ABHD2: variants seen among roughly 807,000 people sequenced by gnomAD.
ABHD2 encodes the protein monoacylglycerol lipase ABHD2.
In ABHD2, 20 loss-of-function variants were observed where a neutral mutation model predicts 48.1. The ratio of observed to expected loss-of-function variants is 0.42; its 90% CI spans 0.29 to 0.60. The LOEUF is 0.60. ABHD2 is among the 20% of genes least tolerant of loss of function. The pLI is 0.24. For missense variants in ABHD2, 405 were observed against 550.9 expected (o/e 0.74, Z 2.65); for synonymous variants, 209 against 214.2 (o/e 0.98, Z 0.21).
rs541491790 is a variant in ABHD2 at position 89,094,920 on chromosome 15, C to T, written c.-107+6357C>T. Among the ~76,000 whole-genome samples, 9 of 150,796 alleles carry T rather than the reference C, an allele frequency of 6.0e-5. No homozygotes were observed. The East Asian group carries it at 1.6e-3, about 26-fold the overall frequency. ...TCCACTAAAAATACAAAATATTAGCCGGGCATGGTGGTTCACACTCAGAAT... is the reference window on the plus strand; with the variant it reads ...TCCACTAAAAATACAAAATATTAGCTGGGCATGGTGGTTCACACTCAGAAT... On this transcript the variant is annotated intron_variant, in intron 1 of 10. Coordinates refer to ENST00000352732, the MANE Select transcript of ABHD2 (RefSeq NM_152924.5). The surrounding 1 kb of genome is among the most constrained non-coding windows in gnomAD (Gnocchi z 4.7).
chr15:89,135,617 T>C (rs2050296428), intron 3 of ABHD2: 2 of 1,547,772 alleles, frequency 1.3e-6, no homozygotes, highest in African/African-American at 1.4e-5. Flanking sequence ...TCCTCTTCCT[T>C]CTTTTTCTTG....
chr15:89,084,244 G>C (rs1901320745), upstream of ABHD2, among the ~76,000 whole-genome samples: 1 of 151,170 alleles, frequency 6.6e-6, no homozygotes, highest in Admixed American at 6.6e-5. This position sits in a 1 kb window ranked among gnomAD's most constrained non-coding sequence, Gnocchi z 4.4. Context: ...GCATGTGTTG[G>C]AGAGTGTGTA....
chr15:89,198,495 G>C lies in ABHD2; in HGVS notation c.*3072G>C, dbSNP rs537595198. 6.6e-6 allele frequency: 1 copy of C among 152,316 alleles called. No homozygotes were observed. The highest frequency in any genetic ancestry group is 1.9e-4 in the East Asian group (1 of 5,190). 9.4% of individuals were successfully genotyped at this position (152,316 alleles called of 1,614,324 possible). ...AGTTTACACAAATGATTCCAGAGCA[G>C]AATGAAAGCAGAAAGCTGTTGGTTA... is the stretch of plus-strand genomic sequence containing the variant. On this transcript the variant is annotated 3_prime_UTR_variant, in exon 11 of 11. Transcript: ENST00000352732. This position sits in a 1 kb window ranked among gnomAD's most constrained non-coding sequence, Gnocchi z 5.1.
At chr15:89,115,367 GGTATGTGTGTGTGTGTGTGT>G (rs1370343485) in intron 2 of ABHD2, among the ~76,000 whole-genome samples, 5,804 of 117,568 alleles carry the variant, frequency 0.049, 425 homozygotes, top group African/African-American at 0.17. Context: ...TATGTTTGGA[GGTATGTGTGTGTGTGTGTGT>G]GTGTGTGTGT....
intron 1 of ABHD2, among the ~76,000 whole-genome samples, chr15:89,110,893 A>C (rs1251257214): frequency 6.6e-6 from 1 of 152,236 alleles, no homozygotes; most frequent in East Asian, 1.9e-4. Context: ...CACATCACTC[A>C]AGGTCCCCTT....
intron 4 of ABHD2, among the ~76,000 whole-genome samples, chr15:89,154,065 C>T (rs768794093): frequency 3.3e-5 from 5 of 152,118 alleles, no homozygotes; most frequent in African/African-American, 4.8e-5. Flanking sequence ...TTGGAATTTA[C>T]TAGGTCGAAG....
chr15:89,074,774 T>C, the ABHD2 span, among the ~76,000 whole-genome samples: 2 of 152,190 alleles, frequency 1.3e-5, no homozygotes, highest in Non-Finnish European at 2.9e-5. Context: ...TTCTGGAACA[T>C]TGCCTCTCAC....
rs186021015 is a variant in ABHD2, at chr15:89,161,634, T to C, written c.538+6100T>C. On this transcript the variant is annotated intron_variant, in intron 5 of 10. Transcript: ENST00000352732. ...CAGACTGGTGTCGAACTCCTGACCT[T>C]AGGTGATCCGCCCACCTCGGCCTCC... is the stretch of plus-strand genomic sequence containing the variant. Among the ~76,000 whole-genome samples, 472 of 152,006 alleles carry C rather than the reference T, an allele frequency of 3.1e-3. 1 individual carries two copies. The highest frequency in any genetic ancestry group is 0.011 in the African/African-American group (447 of 41,478).
At chr15:89,096,649 T>C (rs779537763) in intron 1 of ABHD2, among the ~76,000 whole-genome samples, 1 of 152,222 alleles carries the variant, frequency 6.6e-6, no homozygotes, top group Non-Finnish European at 1.5e-5. Context: ...ACATAATTGG[T>C]TTTCTGCCTT....
the ABHD2 span, among the ~76,000 whole-genome samples, chr15:89,051,448 T>G: frequency 1.3e-5 from 2 of 152,090 alleles, no homozygotes; most frequent in African/African-American, 2.4e-5. Context: ...ACACCGTAGC[T>G]CAGGCCTAAG....
chr15:89,081,110 C>T, the ABHD2 span, among the ~76,000 whole-genome samples: 1 of 151,530 alleles, frequency 6.6e-6, no homozygotes, highest in South Asian at 2.1e-4. Flanking sequence ...AATGATCCTC[C>T]TACCTCAGCC....
chr15:89,200,974 C>T lies in ABHD2; in HGVS notation c.*5551C>T, dbSNP rs1276541009. The T allele has an allele frequency of 2.0e-5, 10 of 506,858 alleles. No homozygotes were observed. The highest frequency in any genetic ancestry group is 3.7e-5 in the Admixed American group (1 of 27,110). The allele number at this position is 506,858 out of a possible 1,614,324, so 31.4% of individuals were successfully genotyped here. A position where few individuals can be genotyped will look rare whatever the true frequency, so the allele number is the denominator to read the frequency against. On this transcript the variant is annotated 3_prime_UTR_variant, in exon 11 of 11. Coordinates refer to ENST00000352732, the MANE Select transcript of ABHD2 (RefSeq NM_152924.5). ...GCGGGCGCCTGTAATCCCAGCTACTCGGGAGGCTGAGGTGGGAGAATTGCT... is the reference window on the plus strand; with the variant it reads ...GCGGGCGCCTGTAATCCCAGCTACTTGGGAGGCTGAGGTGGGAGAATTGCT...
chr15:89,188,340 C>T lies in ABHD2; in HGVS notation c.926+37C>T, dbSNP rs774673321. 3 of 1,588,392 alleles carry T rather than the reference C, an allele frequency of 1.9e-6. No individual in the cohort carries two copies. The highest frequency in any genetic ancestry group is 2.6e-6 in the Non-Finnish European group (3 of 1,157,936). Reference sequence around the variant, plus strand: ...CAGGCGGGAGAGGGACGCTCTGGGGCAGGGTGCCAGGCAGGAGGCTGCAGG... The same window carrying T: ...CAGGCGGGAGAGGGACGCTCTGGGGTAGGGTGCCAGGCAGGAGGCTGCAGG... On this transcript the variant is annotated intron_variant, in intron 8 of 10. Coordinates refer to ENST00000352732, the MANE Select transcript of ABHD2 (RefSeq NM_152924.5). This position sits in a 1 kb window ranked among gnomAD's most constrained non-coding sequence, Gnocchi z 4.1.
At chr15:89,160,287 A>G (rs1030597232) in intron 5 of ABHD2, among the ~76,000 whole-genome samples, 4 of 152,184 alleles carry the variant, frequency 2.6e-5, no homozygotes, top group Admixed American at 2.6e-4. Flanking sequence ...CTTTTATCAT[A>G]GTTAATCATA....
At chr15:89,141,158 T>A (rs1344806965) in intron 3 of ABHD2, among the ~76,000 whole-genome samples, 1 of 151,376 alleles carries the variant, frequency 6.6e-6, no homozygotes, top group African/African-American at 2.4e-5. Flanking sequence ...TTAATTAATT[T>A]TTTGGTATAG....
the ABHD2 span, among the ~76,000 whole-genome samples, chr15:89,052,525 AG>A: frequency 2.4e-5 from 1 of 42,374 alleles, no homozygotes; most frequent in African/African-American, 4.8e-5. Context: ...ACCCAGAGAC[AG>A]ACAGACAGAC....
In ABHD2 at chr15:89,129,209, G is replaced by T. The variant is rs74032743; in HGVS notation, c.194+12688G>T. Among the ~76,000 whole-genome samples the T allele has an allele frequency of 3.7e-3, 565 of 152,172 alleles. 5 individuals are homozygous for T. Among genetic ancestry groups the T allele is most frequent in the African/African-American group, 0.013 (549 of 41,518 alleles). On this transcript the variant is annotated intron_variant, in intron 3 of 10. Transcript: ENST00000352732. ...CAGCTGCAGGTAGGGGAGGTTGTGG[G>T]GGTGGGCAGAGAGAGACACTAAAGA...
the ABHD2 span, among the ~76,000 whole-genome samples, chr15:89,077,256 C>T: frequency 6.6e-6 from 1 of 152,188 alleles, no homozygotes; most frequent in Non-Finnish European, 1.5e-5. Flanking sequence ...GCATACATTT[C>T]TTGGATGACT....
rs1247261530 is a variant in ABHD2, at chr15:89,200,179, T to G, written c.*4756T>G. On this transcript the variant is annotated 3_prime_UTR_variant, in exon 11 of 11. Coordinates refer to ENST00000352732, the MANE Select transcript of ABHD2 (RefSeq NM_152924.5). ...TTTTTAATTCTCCAATTTAAAACTT[T>G]TAATTAAAAAGTAAATTTTAATGTC... is the stretch of plus-strand genomic sequence containing the variant. 2 of 152,264 alleles carry G rather than the reference T, an allele frequency of 1.3e-5. No individual in the cohort carries two copies. The highest frequency in any genetic ancestry group is 2.9e-5 in the Non-Finnish European group (2 of 68,052). 9.4% of individuals were successfully genotyped at this position (152,264 alleles called of 1,614,324 possible).
Sources: gnomAD v4.1 joint callset for allele counts (sites outside exome capture counted in the v4.1 genomes callset) on GRCh38, gnomAD v4.1.1 for gene constraint, Gnocchi (gnomAD v3.1) non-coding constraint, MANE v1.5 for transcripts, NCBI Gene and HGNC (gene_info 2026-07-23, HGNC 2026-07-21) for gene names.